DNMT3L: variants seen among roughly 807,000 people sequenced by gnomAD.
DNMT3L encodes the protein DNA methyltransferase 3 like, also known as DNA (cytosine-5)-methyltransferase 3-like.
Under a neutral mutation model 36.2 loss-of-function variants are expected in DNMT3L, and 33 were observed. That is an observed-to-expected ratio of 0.91 (90% confidence interval 0.69 to 1.22). The LOEUF (loss-of-function observed/expected upper bound fraction) is 1.22, where lower values mean the gene tolerates loss of function less well. Ranked by LOEUF, DNMT3L falls within the 50% of genes most tolerant of loss-of-function variation. The probability of loss-of-function intolerance (pLI) is 0.00; values close to 1 mark genes in which losing one functional copy is unlikely to be tolerated. For synonymous variants in DNMT3L, 117 were observed against 121.7 expected (o/e 0.96, Z 0.26); for missense variants, 310 against 303.1 (o/e 1.02, Z -0.17).
chr21:44,261,638 C>A, intron 1 of DNMT3L, 102 bp downstream of exon 1: 1 of 212,804 alleles, frequency 4.7e-6, no homozygotes, highest in East Asian at 1.3e-4. Context: ...CATGCCCCAG[C>A]CTCCTACAGT....
At chr21:44,256,043 GTC>G in intron 7 of DNMT3L, 22 bp downstream of exon 7, 1 of 1,612,826 alleles carries the variant, frequency 6.2e-7, no homozygotes, top group South Asian at 1.1e-5. Context: ...TTCCATGTGT[GTC>G]TTTGGGACAT....
intron 6 of DNMT3L, among the ~76,000 whole-genome samples, chr21:44,257,688 A>AT (rs1318251116): frequency 7.8e-5 from 4 of 51,300 alleles, no homozygotes; most frequent in East Asian, 7.2e-4. Context: ...CTCAAAAAAA[A>AT]AAAAAAAATA....
chr21:44,260,478 A>G (rs1415577301), intron 3 of DNMT3L, among the ~76,000 whole-genome samples: 1 of 152,202 alleles, frequency 6.6e-6, no homozygotes, highest in Non-Finnish European at 1.5e-5. Flanking sequence ...GCCTCCTTCC[A>G]GGATCTCACC....
At chr21:44,255,725 G>A (rs892300230) in intron 7 of DNMT3L, among the ~76,000 whole-genome samples, 1 of 152,240 alleles carries the variant, frequency 6.6e-6, no homozygotes, top group Non-Finnish European at 1.5e-5. Flanking sequence ...TGCGGGATCA[G>A]GCTCCTGATC....
Position 44,259,546 on chromosome 21 carries a change from T to G in DNMT3L, c.235A>C (p.Lys79Gln). The G allele has an allele frequency of 6.2e-7, 1 of 1,613,658 alleles. No individual in the cohort carries two copies. Among genetic ancestry groups the G allele is most frequent in the Non-Finnish European group, 8.5e-7 (1 of 1,180,006 alleles). The change falls in exon 5 of 12, where the codon AAG becomes CAG. Residue 79 changes from lysine to glutamine, a missense_variant. Coordinates refer to ENST00000628202, the MANE Select transcript of DNMT3L (RefSeq NM_175867.3). ...EGGICAPCKD[K>Q]FLDALFLYDD... Reference sequence around the variant, plus strand: ...TACAGGAAGAGGGCATCCAGGAACTTGTCCTTGGAAGGAGCAAAGCAAGGC... The same window carrying G: ...TACAGGAAGAGGGCATCCAGGAACTGGTCCTTGGAAGGAGCAAAGCAAGGC...
At chr21:44,260,048 CAAAAAAAAAA>C (rs765722839) in intron 3 of DNMT3L, among the ~76,000 whole-genome samples, 5 of 63,488 alleles carry the variant, frequency 7.9e-5, no homozygotes, top group East Asian at 5.2e-4. Flanking sequence ...GAGTGTGTCT[CAAAAAAAAAA>C]AAAAAAAAAA....
chr21:44,254,162 G>A (rs377155538), intron 8 of DNMT3L, among the ~76,000 whole-genome samples: 3 of 152,240 alleles, frequency 2.0e-5, no homozygotes, highest in Admixed American at 6.5e-5. Flanking sequence ...CCAGCAGCGG[G>A]AGGATGCTTT....
At chr21:44,261,358 G>T in intron 1 of DNMT3L, 92 bp from the exon 2 acceptor site, 1 of 1,279,686 alleles carries the variant, frequency 7.8e-7, no homozygotes, top group Non-Finnish European at 1.1e-6. Flanking sequence ...AGCTTGCTGA[G>T]CAGACCTTGA....
Position 44,259,531 on chromosome 21 carries a change from G to C in DNMT3L, c.250C>G (p.Leu84Val), listed in dbSNP as rs1388617052. 1 of 1,613,734 alleles carries C rather than the reference G, an allele frequency of 6.2e-7. No homozygotes were observed. The stretch of plus-strand genomic sequence containing the variant: ...TACCCGTCATCGTCGTACAGGAAGA[G>C]GGCATCCAGGAACTTGTCCTTGGAA... Reference protein sequence around the residue: ...APCKDKFLDALFLYDDDGYQS... With the variant: ...APCKDKFLDAVFLYDDDGYQS... Residue 84 changes from leucine to valine, a missense_variant, in exon 5 of 12, where the codon CTC becomes GTC. By Grantham distance (32) the Leu-to-Val change is conservative. Transcript: ENST00000628202.
rs761950466 is a variant in DNMT3L at position 44,254,569 on chromosome 21, G to A, written c.693+48C>T. The A allele has an allele frequency of 1.9e-5, 31 of 1,594,028 alleles. No homozygotes were observed. In the South Asian group the frequency reaches 2.3e-4, roughly 12 times the overall value. On this transcript the variant is annotated intron_variant, in intron 8 of 11. Coordinates refer to ENST00000628202, the MANE Select transcript of DNMT3L (RefSeq NM_175867.3). ...CTTGGCATTTCCTCTGAGGAAGCTCGCACCCCCGCTCCCACTACAGTGTCT... is the reference window on the plus strand; with the variant it reads ...CTTGGCATTTCCTCTGAGGAAGCTCACACCCCCGCTCCCACTACAGTGTCT...
chr21:44,261,338 C>A, intron 1 of DNMT3L, 72 bp from the exon 2 acceptor site: 10 of 1,431,580 alleles, frequency 7.0e-6, no homozygotes, highest in Non-Finnish European at 9.7e-6. Flanking sequence ...TGCACCCCAG[C>A]ACGGGAAGCA....
chr21:44,261,341 G>A (rs1350846829), intron 1 of DNMT3L, 75 bp from the exon 2 acceptor site: 8 of 1,417,286 alleles, frequency 5.6e-6, no homozygotes, highest in African/African-American at 5.6e-5. Flanking sequence ...ACCCCAGCAC[G>A]GGAAGCAGCT....
At chr21:44,257,699 AATAAATAAAT>A (rs1568916367) in intron 6 of DNMT3L, among the ~76,000 whole-genome samples, 1 of 123,450 alleles carries the variant, frequency 8.1e-6, no homozygotes, top group African/African-American at 3.1e-5. Flanking sequence ...AAAAAAAATA[AATAAATAAAT>A]AAATAAATAA....
chr21:44,256,286 G>GC (rs1299597477), intron 6 of DNMT3L, 132 bp from the exon 7 acceptor site: 7 of 907,580 alleles, frequency 7.7e-6, no homozygotes, highest in Admixed American at 2.1e-5. Context: ...AGACACACCT[G>GC]CTGAGGCTGA....
At chr21:44,257,405 G>T (rs894480769) in intron 6 of DNMT3L, among the ~76,000 whole-genome samples, 3 of 151,642 alleles carry the variant, frequency 2.0e-5, no homozygotes, top group African/African-American at 7.3e-5. Flanking sequence ...AAACAAGGCC[G>T]GTGCGGTGGC....
Position 44,261,136 on chromosome 21 carries a change from A to G in DNMT3L, c.106+18T>C. On this transcript the variant is annotated intron_variant, in intron 2 of 11. Transcript: ENST00000628202. ...CAGCATCCTAAGTGACTGGTCCAAT[A>G]AGCAGATGAGCCCTCACCTCTGCCT... The G allele has an allele frequency of 6.2e-7, 1 of 1,611,712 alleles. No homozygotes were observed. The highest frequency in any genetic ancestry group is 1.3e-5 in the African/African-American group (1 of 74,972).
chr21:44,255,114 CACTGCACCCCGCCCA>C (rs537320880), intron 7 of DNMT3L, among the ~76,000 whole-genome samples: 280 of 152,258 alleles, frequency 1.8e-3, no homozygotes, highest in African/African-American at 6.4e-3. Context: ...ACGTGTGAGC[CACTGCACCCCGCCCA>C]ACTTTATCTT....
At chr21:44,260,645 A>G (rs923622898) in intron 3 of DNMT3L, 150 bp downstream of exon 3, 3 of 955,812 alleles carry the variant, frequency 3.1e-6, no homozygotes, top group Admixed American at 2.1e-5. Context: ...TTTTGTAGAG[A>G]CAGAGTCTCA....
chr21:44,259,458 C>T lies in DNMT3L; in HGVS notation c.323G>A (p.Cys108Tyr). Residue 108 changes from cysteine (C) to tyrosine (Y), a missense_variant, in exon 5 of 12, where the codon TGC becomes TAC. By Grantham distance (194) the Cys-to-Tyr change is radical (BLOSUM62 -2). Transcript: ENST00000628202. ...ICCSGETLLI[C>Y]GNPDCTRCYC... ...TCACCGGGTGCAATCAGGGTTTCCG[C>T]AGATGAGCAGCGTCTCTCCGGAGCA... The T allele has an allele frequency of 6.2e-7, 1 of 1,613,658 alleles. No individual in the cohort carries two copies. Among genetic ancestry groups the T allele is most frequent in the Non-Finnish European group, 8.5e-7 (1 of 1,180,014 alleles).
Sources: gnomAD v4.1 joint callset for allele counts (sites outside exome capture counted in the v4.1 genomes callset) on GRCh38, gnomAD v4.1.1 for gene constraint, MANE v1.5 for transcripts, NCBI Gene and HGNC (gene_info 2026-07-23, HGNC 2026-07-21) for gene names.